APBA2: variants seen among roughly 807,000 people sequenced by gnomAD.
The protein encoded by APBA2 is amyloid-beta A4 precursor protein-binding family A member 2.
In APBA2, 30 loss-of-function variants were observed where a neutral mutation model predicts 75.0. The observed-to-expected ratio is 0.40, with a 90% CI of 0.30 to 0.54. APBA2 has a LOEUF of 0.54. Among genes scored for constraint, APBA2 ranks in the 20% least tolerant of loss-of-function variants. The probability of loss-of-function intolerance (pLI) is 0.49; values close to 1 mark genes in which losing one functional copy is unlikely to be tolerated. For synonymous variants in APBA2, 444 were observed against 409.6 expected (o/e 1.08, Z -1.01); for missense variants, 801 against 1,016.1 (o/e 0.79, Z 2.88).
At chr15:29,114,577 C>CGT (rs528733666) in intron 14 of APBA2, among the ~76,000 whole-genome samples, 7,423 of 150,426 alleles carry the variant, frequency 0.049, 210 homozygotes, top group Non-Finnish European at 0.068. Context: ...AGCGGGTGTG[C>CGT]GTGTGTGTGT....
chr15:28,940,254 T>C (rs2035119318), intron 2 of APBA2, among the ~76,000 whole-genome samples: 1 of 149,968 alleles, frequency 6.7e-6, no homozygotes, highest in African/African-American at 2.5e-5. Context: ...GGCTCACGCC[T>C]GTAATCCCAG....
intron 4 of APBA2, among the ~76,000 whole-genome samples, chr15:29,072,895 A>G (rs1215458664): frequency 2.0e-5 from 3 of 152,134 alleles, no homozygotes; most frequent in African/African-American, 7.2e-5. Flanking sequence ...AGCTCTAGGA[A>G]GGGCAGCCCC....
chr15:29,107,940 C>G (rs112255513), intron 12 of APBA2, among the ~76,000 whole-genome samples: 7 of 152,300 alleles, frequency 4.6e-5, no homozygotes, highest in African/African-American at 1.2e-4. Flanking sequence ...TGAGGGTGAC[C>G]TGGTGCCAGG....
intron 13 of APBA2, among the ~76,000 whole-genome samples, chr15:29,112,639 T>G (rs1274832834): frequency 6.6e-6 from 1 of 152,158 alleles, no homozygotes; most frequent in Non-Finnish European, 1.5e-5. Flanking sequence ...CTAGTCCTAA[T>G]TCTCCTTGGA....
Position 29,106,828 on chromosome 15 carries a change from C to T in APBA2, c.1917+9C>T, listed in dbSNP as rs899235388. On this transcript the variant is annotated intron_variant, in intron 12 of 14. Coordinates refer to ENST00000683413, the MANE Select transcript of APBA2 (RefSeq NM_001353788.2). ...GCCAAGGCATCATCAAGGTAGGCAC[C>T]CTGGGATCCTCCGCCCAGGGGTCAC... The T allele has an allele frequency of 5.0e-6, 8 of 1,611,588 alleles. No individual in the cohort carries two copies. In the East Asian group the frequency reaches 1.6e-4, roughly 31 times the overall value.
chr15:29,112,247 G>A (rs1053480059), intron 13 of APBA2, among the ~76,000 whole-genome samples: 3 of 152,358 alleles, frequency 2.0e-5, no homozygotes, highest in Non-Finnish European at 2.9e-5. Context: ...ATATGCAGGC[G>A]CTGGAGGATG....
chr15:28,954,554 A>G (rs183179975), intron 2 of APBA2, among the ~76,000 whole-genome samples: 3 of 152,122 alleles, frequency 2.0e-5, no homozygotes, highest in South Asian at 2.1e-4. Flanking sequence ...AGGCACCCCC[A>G]CATTAATTCT....
intron 3 of APBA2, among the ~76,000 whole-genome samples, chr15:29,045,007 C>G (rs932190511): frequency 2.0e-4 from 31 of 152,012 alleles, no homozygotes; most frequent in African/African-American, 7.0e-4. Context: ...CAAGGCAGCT[C>G]TCTGGGGTCT....
At chr15:29,033,218 A>G (rs11853713) in intron 3 of APBA2, among the ~76,000 whole-genome samples, 29,244 of 151,576 alleles carry the variant, frequency 0.19, 3,669 homozygotes, top group African/African-American at 0.35. Context: ...GGGTTAGACA[A>G]GGCCCACGTC....
At chr15:28,904,560 CAGTG>C (rs2033041279) in intron 1 of APBA2, among the ~76,000 whole-genome samples, 1 of 152,206 alleles carries the variant, frequency 6.6e-6, no homozygotes, top group South Asian at 2.1e-4. Context: ...TACCCACTGA[CAGTG>C]AGAGTGAGGG....
At chr15:28,958,257 G>T (rs947974684) in intron 2 of APBA2, among the ~76,000 whole-genome samples, 3 of 152,310 alleles carry the variant, frequency 2.0e-5, no homozygotes, top group African/African-American at 4.8e-5. Flanking sequence ...AGGAGGAGGG[G>T]CCATAATAGC....
chr15:29,000,212 C>T (rs1432459326), intron 3 of APBA2, among the ~76,000 whole-genome samples: 1 of 152,208 alleles, frequency 6.6e-6, no homozygotes, highest in Non-Finnish European at 1.5e-5. Context: ...AATTAACCAT[C>T]ACAAGTGGGT....
chr15:29,071,322 G>C (rs553878026), intron 4 of APBA2, among the ~76,000 whole-genome samples: 1 of 151,952 alleles, frequency 6.6e-6, no homozygotes, highest in South Asian at 2.1e-4. Flanking sequence ...CCTGAGTCCC[G>C]TGTGCTGTGA....
At chr15:29,032,207 C>T (rs893549993) in intron 3 of APBA2, among the ~76,000 whole-genome samples, 6 of 152,216 alleles carry the variant, frequency 3.9e-5, no homozygotes, top group Admixed American at 1.3e-4. Context: ...GTTAACTTTG[C>T]CCAGCTCTGG....
intron 9 of APBA2, among the ~76,000 whole-genome samples, chr15:29,100,317 A>G (rs2044054107): frequency 6.6e-6 from 1 of 152,242 alleles, no homozygotes; most frequent in Non-Finnish European, 1.5e-5. Context: ...AAACAGCCTC[A>G]TGGCTTTGGC....
At chr15:29,051,174 T>C (rs1227169520) in intron 3 of APBA2, among the ~76,000 whole-genome samples, 2 of 152,232 alleles carry the variant, frequency 1.3e-5, no homozygotes, top group Non-Finnish European at 1.5e-5. Context: ...ACAAGTTATA[T>C]GTGGTCTTTG....
intron 2 of APBA2, among the ~76,000 whole-genome samples, chr15:28,953,567 C>A (rs1353314989): frequency 6.6e-6 from 1 of 152,142 alleles, no homozygotes; most frequent in African/African-American, 2.4e-5. Context: ...AGACACCTCT[C>A]CTGACACTTT....
intron 6 of APBA2, among the ~76,000 whole-genome samples, chr15:29,090,739 C>T (rs1379269060): frequency 6.6e-6 from 1 of 152,176 alleles, no homozygotes; most frequent in African/African-American, 2.4e-5. Context: ...GCATTGGGCC[C>T]CACTGGGTGA....
At chr15:29,101,829 C>A in intron 10 of APBA2, 45 bp downstream of exon 10, 1 of 1,589,552 alleles carries the variant, frequency 6.3e-7, no homozygotes, top group Non-Finnish European at 8.6e-7. Context: ...AAGTTCACAG[C>A]CCAGGGCGGC....
Sources: gnomAD v4.1 joint callset for allele counts (sites outside exome capture counted in the v4.1 genomes callset) on GRCh38, gnomAD v4.1.1 for gene constraint, MANE v1.5 for transcripts, NCBI Gene and HGNC (gene_info 2026-07-23, HGNC 2026-07-21) for gene names.